The following CFAP300 variants were observed in gnomAD, a reference collection of about 807,000 sequenced individuals.
CFAP300 encodes cilia and flagella associated protein 300, also known as cilia- and flagella-associated protein 300.
CFAP300 carries 32 observed loss-of-function variants against 33.0 expected under a neutral mutation model. The ratio of observed to expected loss-of-function variants is 0.97; its 90% CI spans 0.73 to 1.30. The LOEUF is 1.30. Among genes scored for constraint, CFAP300 ranks in the 50% most tolerant of loss-of-function variants. The probability of loss-of-function intolerance (pLI) is 0.00; values close to 1 mark genes in which losing one functional copy is unlikely to be tolerated. For missense variants in CFAP300, 356 were observed against 318.1 expected, an observed-to-expected ratio of 1.12 and a Z score of -0.90; for synonymous variants, 102 against 106.8, an observed-to-expected ratio of 0.95 and a Z score of 0.28.
At position 102,081,874 on chromosome 11, in the gene CFAP300, G is replaced by A. The variant is rs1357566220; in HGVS notation, c.675+593G>A. 3.7e-5 allele frequency among the ~76,000 whole-genome samples: 5 copies of A among 136,566 alleles called. No homozygotes were observed. In the South Asian group the frequency reaches 9.3e-4, roughly 25 times the overall value. The allele number at this position is 136,566 out of a possible 152,430, so 89.6% of individuals were successfully genotyped here. Reference sequence around the variant, plus strand: ...CCACTGCACTCCAGACTGGGCAACAGAGCGAGACTCCATCTAAAAAAAAAA... The same window carrying A: ...CCACTGCACTCCAGACTGGGCAACAAAGCGAGACTCCATCTAAAAAAAAAA... On this transcript the variant is annotated intron_variant, in intron 6 of 6. Coordinates refer to ENST00000434758, the MANE Select transcript of CFAP300 (RefSeq NM_032930.3).
At chr11:102,057,254 G>A (rs1009512839) in intron 2 of CFAP300, among the ~76,000 whole-genome samples, 1 of 150,948 alleles carries the variant, frequency 6.6e-6, no homozygotes, top group East Asian at 2.0e-4. Context: ...CAGGAAAATC[G>A]CTTGAACCCG....
intron 2 of CFAP300, among the ~76,000 whole-genome samples, chr11:102,056,152 CT>C (rs1236501871): frequency 1.3e-5 from 2 of 152,168 alleles, no homozygotes; most frequent in African/African-American, 4.8e-5. Flanking sequence ...TATTCTAATA[CT>C]TTCTTTCCAA....
chr11:102,081,749 G>A lies in CFAP300; in HGVS notation c.675+468G>A, dbSNP rs561323215. Among the ~76,000 whole-genome samples the A allele has an allele frequency of 9.9e-5, 15 of 152,078 alleles. No individual in the cohort carries two copies. In the South Asian group the frequency reaches 2.1e-3, roughly 21 times the overall value. Reference sequence around the variant, plus strand: ...CTACTAAAAATACAAAAAATTAGCCGGGCATGGTGGCACGCGCCTGTAGTC... The same window carrying A: ...CTACTAAAAATACAAAAAATTAGCCAGGCATGGTGGCACGCGCCTGTAGTC... On this transcript the variant is annotated intron_variant, in intron 6 of 6. Coordinates refer to ENST00000434758, the MANE Select transcript of CFAP300 (RefSeq NM_032930.3).
At chr11:102,072,718 T>G (rs760876116) in intron 4 of CFAP300, among the ~76,000 whole-genome samples, 9 of 152,236 alleles carry the variant, frequency 5.9e-5, no homozygotes, top group Non-Finnish European at 1.2e-4. Flanking sequence ...TTTTTCATAT[T>G]TCTTGTGTCC....
rs548099417 is a variant in CFAP300 at position 102,058,778 on chromosome 11, C to A, written c.193-102C>A. ...AGACATTTTACCAATTTAAAATTGT[C>A]CTTTCTATTTGAATTAAAGGAGATT... On this transcript the variant is annotated intron_variant, in intron 2 of 6. Coordinates refer to ENST00000434758, the MANE Select transcript of CFAP300 (RefSeq NM_032930.3). The A allele has an allele frequency of 1.5e-5, 10 of 683,016 alleles. No individual in the cohort carries two copies. In the East Asian group the frequency reaches 2.9e-4, roughly 20 times the overall value. The allele number at this position is 683,016 out of a possible 1,614,324, so 42.3% of individuals were successfully genotyped here.
rs1210006639 is a variant in CFAP300 at position 102,047,805 on chromosome 11, T to C, written c.111-10T>C. On this transcript the variant is annotated splice_polypyrimidine_tract_variant and intron_variant, in intron 1 of 6. Coordinates refer to ENST00000434758, the MANE Select transcript of CFAP300 (RefSeq NM_032930.3). The stretch of plus-strand genomic sequence containing the variant: ...CCCCCAGATGATTTCTTTTTCCTCC[T>C]CTGCCCCAGGTCCATGCTGGGCAGA... 6.2e-7 allele frequency: 1 copy of C among 1,613,706 alleles called. No individual in the cohort carries two copies. The highest frequency in any genetic ancestry group is 8.5e-7 in the Non-Finnish European group (1 of 1,179,950).
intron 6 of CFAP300, among the ~76,000 whole-genome samples, chr11:102,081,707 A>G (rs1200357387): frequency 6.6e-6 from 1 of 152,046 alleles, no homozygotes; most frequent in East Asian, 1.9e-4. Flanking sequence ...CCTGGCTAAC[A>G]CTGTGAAACC....
rs1419781401 is a variant in CFAP300, at chr11:102,058,935, C to T, written c.248C>T (p.Ser83Phe). ...IPNLKLLSDS[S>F]GQWIILGTEV... ...AATTTGAAGTTACTTTCAGATTCTT[C>T]TGGACAATGGATCATATTAGGTAAA... Residue 83 changes from serine (S) to phenylalanine (F), a missense_variant, in exon 3 of 7, where the codon TCT (serine) becomes TTT (phenylalanine). By Grantham distance (155) the Ser-to-Phe change is radical (BLOSUM62 -2). Coordinates refer to ENST00000434758, the MANE Select transcript of CFAP300 (RefSeq NM_032930.3). 1.3e-6 allele frequency: 2 copies of T among 1,583,144 alleles called. No individual in the cohort carries two copies. Among genetic ancestry groups the T allele is most frequent in the Non-Finnish European group, 1.7e-6 (2 of 1,165,678 alleles).
intron 1 of CFAP300, 45 bp downstream of exon 1, chr11:102,047,625 C>A: frequency 6.6e-7 from 1 of 1,518,384 alleles, no homozygotes; most frequent in Non-Finnish European, 8.8e-7. Context: ...TTGGTCTTCG[C>A]GGCTGTGGAG....
intron 3 of CFAP300, 99 bp downstream of exon 3, chr11:102,059,054 ATC>A (rs1942101527): frequency 1.5e-6 from 1 of 664,174 alleles, no homozygotes; most frequent in Non-Finnish European, 2.5e-6. Context: ...GGAATGACTC[ATC>A]TGTTTGATAC....
At chr11:102,055,597 C>A (rs1241174838) in intron 2 of CFAP300, among the ~76,000 whole-genome samples, 1 of 151,468 alleles carries the variant, frequency 6.6e-6, no homozygotes, top group Non-Finnish European at 1.5e-5. Context: ...GAGCTCAAGC[C>A]TCAGCCTCCC....
intron 3 of CFAP300, among the ~76,000 whole-genome samples, chr11:102,061,067 G>A (rs1324320411): frequency 6.6e-6 from 1 of 152,108 alleles, no homozygotes; most frequent in Admixed American, 6.6e-5. Flanking sequence ...CTCTCCCCAT[G>A]TTAGTACATA....
At chr11:102,066,171 C>T (rs1591321223) in intron 3 of CFAP300, among the ~76,000 whole-genome samples, 1 of 152,060 alleles carries the variant, frequency 6.6e-6, no homozygotes, top group Admixed American at 6.5e-5. Context: ...GACGAGGTTT[C>T]GCCATATTGG....
At chr11:102,050,956 T>G (rs1180401587) in intron 2 of CFAP300, among the ~76,000 whole-genome samples, 2 of 152,166 alleles carry the variant, frequency 1.3e-5, no homozygotes, top group African/African-American at 4.8e-5. Context: ...CAGGAAGTAA[T>G]GACACCAAAT....
chr11:102,049,742 A>G (rs1210832274), intron 2 of CFAP300, among the ~76,000 whole-genome samples: 1 of 152,082 alleles, frequency 6.6e-6, no homozygotes, highest in Non-Finnish European at 1.5e-5. Context: ...CATTTATTCA[A>G]TAAATATTTG....
chr11:102,081,315 T>G, intron 6 of CFAP300, 34 bp downstream of exon 6: 1 of 1,546,598 alleles, frequency 6.5e-7, no homozygotes, highest in Non-Finnish European at 8.9e-7. Context: ...ACCAAAGAAT[T>G]TAATTACTTT....
At chr11:102,069,595 G>A (rs1942279452) in intron 4 of CFAP300, among the ~76,000 whole-genome samples, 1 of 152,094 alleles carries the variant, frequency 6.6e-6, no homozygotes, top group Non-Finnish European at 1.5e-5. Context: ...TTGAGACCAG[G>A]AGTATAAGAC....
Position 102,060,468 on chromosome 11 carries a change from AT to A in CFAP300, c.268+1521del, listed in dbSNP as rs370269837. Among the ~76,000 whole-genome samples the A allele has an allele frequency of 9.1e-3, 1,388 of 151,860 alleles. 22 individuals are homozygous for A. The highest frequency in any genetic ancestry group is 0.032 in the African/African-American group (1,315 of 41,432). On this transcript the variant is annotated intron_variant, in intron 3 of 6. Transcript: ENST00000434758. ...TCATAATACATTGAAAGAGCCAGAA[AT>A]TTTTTTTAAGAAAATTACCCAAACA...
chr11:102,069,105 T>G (rs534803320), intron 4 of CFAP300, among the ~76,000 whole-genome samples: 61 of 152,360 alleles, frequency 4.0e-4, no homozygotes, highest in African/African-American at 1.4e-3. Flanking sequence ...CTGTCTGTCT[T>G]ATTTATTGCC....
Sources: allele counts gnomAD v4.1 joint callset (sites outside exome capture counted in the v4.1 genomes callset), GRCh38; gene constraint gnomAD v4.1.1; transcripts MANE v1.5; gene names NCBI Gene and HGNC (gene_info 2026-07-23, HGNC 2026-07-21).